Variants in UBAC2 observed in about 807,000 individuals in gnomAD.
The protein encoded by UBAC2 is UBA domain containing 2.
In UBAC2, 26 loss-of-function variants were observed where a neutral mutation model predicts 44.0. That is an observed-to-expected ratio of 0.59 (90% CI 0.43 to 0.82). The LOEUF (loss-of-function observed/expected upper bound fraction) is 0.82. UBAC2 is among the 40% of genes least tolerant of loss of function. UBAC2 has a pLI of 0.00. For synonymous variants in UBAC2, 155 were observed against 154.3 expected (o/e 1.00, Z -0.04); for missense variants, 329 against 419.4 (o/e 0.78, Z 1.88).
intron 1 of UBAC2, among the ~76,000 whole-genome samples, chr13:99,233,182 G>A (rs1316903229): frequency 2.0e-5 from 3 of 150,602 alleles, no homozygotes; most frequent in Non-Finnish European, 4.4e-5. Context: ...GCGTGATCTC[G>A]GCTCACTGCA....
At chr13:99,222,905 A>T (rs1052220939) in intron 1 of UBAC2, among the ~76,000 whole-genome samples, 3 of 152,174 alleles carry the variant, frequency 2.0e-5, no homozygotes, top group Admixed American at 6.5e-5. Context: ...CTGTGTTGTA[A>T]CAGAGTTTGT....
chr13:99,218,368 G>A (rs1053171082), intron 1 of UBAC2, among the ~76,000 whole-genome samples: 1 of 152,042 alleles, frequency 6.6e-6, no homozygotes, highest in Non-Finnish European at 1.5e-5. Flanking sequence ...GTTTGGTGCT[G>A]TTTCAGGACT....
intron 4 of UBAC2, among the ~76,000 whole-genome samples, chr13:99,306,556 T>G (rs1259049968): frequency 6.6e-6 from 1 of 152,072 alleles, no homozygotes; most frequent in East Asian, 1.9e-4. Context: ...TATAAAACCC[T>G]CACTGCCCTT....
intron 1 of UBAC2, among the ~76,000 whole-genome samples, chr13:99,226,440 C>T (rs2043110667): frequency 6.6e-6 from 1 of 152,210 alleles, no homozygotes; most frequent in Admixed American, 6.5e-5. Context: ...CTGGTTTGAA[C>T]ATCCTCCTTT....
chr13:99,346,334 G>T (rs2044980208), intron 7 of UBAC2, among the ~76,000 whole-genome samples: 1 of 152,092 alleles, frequency 6.6e-6, no homozygotes, highest in Non-Finnish European at 1.5e-5. Context: ...CTGCCCCACA[G>T]CCTCCACCAG....
At chr13:99,271,369 G>A (rs1786492766) in intron 4 of UBAC2, among the ~76,000 whole-genome samples, 1 of 152,170 alleles carries the variant, frequency 6.6e-6, no homozygotes, top group African/African-American at 2.4e-5. Context: ...GACTGCCAGT[G>A]CCAAGGCCCT....
At chr13:99,292,126 C>T (rs966242790) in intron 4 of UBAC2, among the ~76,000 whole-genome samples, 1 of 151,172 alleles carries the variant, frequency 6.6e-6, no homozygotes, top group South Asian at 2.1e-4. Context: ...GGGTTACATT[C>T]CTTTTTTTTT....
At chr13:99,318,115 A>G in intron 6 of UBAC2, 46 bp downstream of exon 6, 1 of 1,529,786 alleles carries the variant, frequency 6.5e-7, no homozygotes, top group Non-Finnish European at 9.0e-7. Flanking sequence ...TCTCTCCTGT[A>G]AAAACATTAG....
intron 4 of UBAC2, among the ~76,000 whole-genome samples, chr13:99,287,643 C>CTTTTTTTTTTTTTTTTTTTTTTTTTT (rs11304203): frequency 5.3e-5 from 5 of 95,156 alleles, no homozygotes; most frequent in African/African-American, 4.5e-5. Flanking sequence ...TTTTTTCTTT[C>CTTTTTTTTTTTTTTTTTTTTTTTTTT]TTTTTTTTTT....
intron 1 of UBAC2, among the ~76,000 whole-genome samples, chr13:99,237,989 G>C (rs964573135): frequency 3.3e-5 from 5 of 152,188 alleles, no homozygotes; most frequent in Non-Finnish European, 7.3e-5. Flanking sequence ...ATTATCATAT[G>C]TACTCCCAAA....
intron 4 of UBAC2, among the ~76,000 whole-genome samples, chr13:99,304,970 T>G (rs1348738637): frequency 6.6e-6 from 1 of 152,176 alleles, no homozygotes; most frequent in Admixed American, 6.5e-5. Flanking sequence ...GGGAAGGGAA[T>G]GGGAGCAGGG....
At chr13:99,338,349 C>T (rs989514869) in intron 6 of UBAC2, among the ~76,000 whole-genome samples, 7 of 152,180 alleles carry the variant, frequency 4.6e-5, no homozygotes, top group Admixed American at 2.0e-4. Flanking sequence ...TGAGCCACTG[C>T]GCCCAACCTT....
intron 4 of UBAC2, among the ~76,000 whole-genome samples, chr13:99,297,828 C>G (rs1231430543): frequency 6.6e-6 from 1 of 151,594 alleles, no homozygotes; most frequent in Non-Finnish European, 1.5e-5. Flanking sequence ...AAAATTCCAG[C>G]TGTTTGCTGC....
chr13:99,209,046 C>T (rs1298307823), intron 1 of UBAC2, among the ~76,000 whole-genome samples: 3 of 152,226 alleles, frequency 2.0e-5, no homozygotes, highest in Non-Finnish European at 2.9e-5. Context: ...TGCTGGCTCT[C>T]GCGCACAGCC....
chr13:99,322,104 G>A (rs2044575861), intron 6 of UBAC2, among the ~76,000 whole-genome samples: 1 of 152,178 alleles, frequency 6.6e-6, no homozygotes, highest in South Asian at 2.1e-4. Flanking sequence ...GGCTATTACA[G>A]CCAAGTGACA....
intron 4 of UBAC2, chr13:99,312,853 A>T (rs2044430191): frequency 6.5e-6 from 1 of 153,458 alleles, no homozygotes; most frequent in Admixed American, 6.6e-5. Context: ...CAGTGGTGGC[A>T]GACTCCAGTG....
intron 4 of UBAC2, among the ~76,000 whole-genome samples, chr13:99,287,001 C>A (rs1030061689): frequency 6.6e-6 from 1 of 152,040 alleles, no homozygotes; most frequent in Non-Finnish European, 1.5e-5. Flanking sequence ...AACATACTTA[C>A]CATTTTTAGA....
chr13:99,247,828 T>C (rs2043406536), intron 4 of UBAC2, among the ~76,000 whole-genome samples: 2 of 152,092 alleles, frequency 1.3e-5, no homozygotes, highest in African/African-American at 4.8e-5. Flanking sequence ...CAAATTTATC[T>C]GCACTCTCTA....
intron 7 of UBAC2, 112 bp from the exon 8 acceptor site, chr13:99,367,672 TATG>T: frequency 1.4e-6 from 2 of 1,407,340 alleles, no homozygotes; most frequent in East Asian, 2.3e-5. Flanking sequence ...AGCGGATCAA[TATG>T]ATACTTCCTT....
Sources: allele counts gnomAD v4.1 joint callset (sites outside exome capture counted in the v4.1 genomes callset), GRCh38; gene constraint gnomAD v4.1.1; transcripts MANE v1.5; gene names NCBI Gene and HGNC (gene_info 2026-07-23, HGNC 2026-07-21).